Variants in NEK7 observed in about 807,000 individuals in gnomAD.
NEK7 encodes the protein NIMA related kinase 7.
NEK7 carries 18 observed loss-of-function variants against 44.6 expected under a neutral mutation model. The observed-to-expected ratio is 0.40, with a 90% CI of 0.28 to 0.60. The LOEUF is 0.60. NEK7 is among the 20% of genes least tolerant of loss of function. NEK7 has a pLI of 0.38. For missense variants in NEK7, 256 were observed against 366.5 expected (o/e 0.70, Z 2.46); for synonymous variants, 130 against 121.1 (o/e 1.07, Z -0.48).
chr1:198,215,269 A>G (rs1221740263), intron 1 of NEK7, among the ~76,000 whole-genome samples: 1 of 152,158 alleles, frequency 6.6e-6, no homozygotes, highest in African/African-American at 2.4e-5. Context: ...TAACAAAATG[A>G]AGAGAACAAA....
chr1:198,271,789 C>T (rs1653852319), intron 5 of NEK7, among the ~76,000 whole-genome samples: 1 of 151,446 alleles, frequency 6.6e-6, no homozygotes, highest in Admixed American at 6.6e-5. Flanking sequence ...CATCACCTGT[C>T]TTATATTTCA....
chr1:198,231,308 T>A (rs1666388446), intron 1 of NEK7, among the ~76,000 whole-genome samples: 5 of 96,680 alleles, frequency 5.2e-5, no homozygotes, highest in Admixed American at 5.1e-4. Flanking sequence ...TGTGTATATA[T>A]ATATATATAT....
chr1:198,249,887 G>T (rs1156423845), intron 2 of NEK7, among the ~76,000 whole-genome samples: 2 of 146,958 alleles, frequency 1.4e-5, no homozygotes, highest in Non-Finnish European at 3.0e-5. Flanking sequence ...AGTTTAATTA[G>T]ATCCCATTTG....
intron 1 of NEK7, among the ~76,000 whole-genome samples, chr1:198,229,188 C>A (rs1666314710): frequency 6.6e-6 from 1 of 152,102 alleles, no homozygotes; most frequent in South Asian, 2.1e-4. Flanking sequence ...AATGAAATCT[C>A]CACAAAAGGC....
At chr1:198,311,432 C>CT (rs1472657437) in intron 9 of NEK7, among the ~76,000 whole-genome samples, 1 of 151,650 alleles carries the variant, frequency 6.6e-6, no homozygotes, top group Non-Finnish European at 1.5e-5. Context: ...CCTTTATTTC[C>CT]TTCTCCTGCC....
At chr1:198,223,015 A>G (rs1337424146) in intron 1 of NEK7, among the ~76,000 whole-genome samples, 1 of 152,116 alleles carries the variant, frequency 6.6e-6, no homozygotes, top group African/African-American at 2.4e-5. Flanking sequence ...AGGATTTCAC[A>G]GGTTTCAAGA....
chr1:198,284,346 A>G (rs1013918942), intron 7 of NEK7, among the ~76,000 whole-genome samples: 4 of 152,148 alleles, frequency 2.6e-5, no homozygotes, highest in Admixed American at 6.5e-5. Context: ...TAGAAATACT[A>G]TATTCGGCTT....
At chr1:198,208,656 T>C (rs975117643) in intron 1 of NEK7, 1 of 152,206 alleles carries the variant, frequency 6.6e-6, no homozygotes, top group African/African-American at 2.4e-5. Context: ...TCAGAATATG[T>C]TTGTATGATA....
chr1:198,277,755 G>T, intron 5 of NEK7: 1 of 478,720 alleles, frequency 2.1e-6, no homozygotes. Flanking sequence ...CACAGTTTCC[G>T]CTAACCTTAG....
At chr1:198,247,525 C>T (rs1483997339) in intron 2 of NEK7, among the ~76,000 whole-genome samples, 1 of 152,106 alleles carries the variant, frequency 6.6e-6, no homozygotes, top group Non-Finnish European at 1.5e-5. Context: ...GAAAATGGGA[C>T]CTTCTATCAT....
intron 1 of NEK7, among the ~76,000 whole-genome samples, chr1:198,194,969 C>T (rs1665190000): frequency 6.6e-6 from 1 of 152,100 alleles, no homozygotes; most frequent in Admixed American, 6.5e-5. Context: ...ACAACCTTGC[C>T]AGCACCTGTT....
chr1:198,306,220 A>G (rs1288215202), intron 9 of NEK7, among the ~76,000 whole-genome samples: 1 of 152,180 alleles, frequency 6.6e-6, no homozygotes, highest in Admixed American at 6.5e-5. Context: ...TTCTTTACTC[A>G]AGCATTGGAA....
At chr1:198,176,699 A>T (rs1187893381) in intron 1 of NEK7, among the ~76,000 whole-genome samples, 1 of 152,060 alleles carries the variant, frequency 6.6e-6, no homozygotes, top group Non-Finnish European at 1.5e-5. Flanking sequence ...TCTGGGATAA[A>T]CAGAGTGATG....
intron 1 of NEK7, among the ~76,000 whole-genome samples, chr1:198,227,416 T>C (rs2102859743): frequency 6.6e-6 from 1 of 152,322 alleles, no homozygotes; most frequent in East Asian, 1.9e-4. Flanking sequence ...ATGGCATTTC[T>C]AGTTCTAGAT....
At chr1:198,234,945 G>A (rs1474946948) in intron 2 of NEK7, among the ~76,000 whole-genome samples, 1 of 152,142 alleles carries the variant, frequency 6.6e-6, no homozygotes, top group Non-Finnish European at 1.5e-5. Flanking sequence ...TTTGAAAAAC[G>A]TTACTGCTCT....
intron 1 of NEK7, among the ~76,000 whole-genome samples, chr1:198,210,312 C>G (rs1665724842): frequency 6.6e-6 from 1 of 152,168 alleles, no homozygotes; most frequent in Non-Finnish European, 1.5e-5. Context: ...TCTTGAACTC[C>G]TGGCCCCCCA....
Position 198,232,610 on chromosome 1 carries a change from GC to G in NEK7, c.32del (p.Pro11HisfsTer21). On this transcript the variant is annotated frameshift_variant, in exon 2 of 10. Coordinates refer to ENST00000367385, the MANE Select transcript of NEK7 (RefSeq NM_133494.3). LOFTEE classifies it high-confidence loss of function. Reference protein sequence around the residue: MDEQSQGMQGPPVPQFQPQKA... With the variant: MDEQSQGMQGXPVPQFQPQKA... ...ATGAGCAATCACAAGGAATGCAAGG[GC>G]CACCTGTTCCTCAGTTCCAACCACA... The G allele has an allele frequency of 6.2e-7, 1 of 1,606,232 alleles. No individual in the cohort carries two copies. Among genetic ancestry groups the G allele is most frequent in the Non-Finnish European group, 8.5e-7 (1 of 1,173,154 alleles).
intron 3 of NEK7, among the ~76,000 whole-genome samples, chr1:198,258,159 G>A (rs541196063): frequency 1.4e-4 from 22 of 152,298 alleles, no homozygotes; most frequent in Non-Finnish European, 2.4e-4. Flanking sequence ...CAGCTGTAGA[G>A]CCGGGCACGG....
intron 1 of NEK7, among the ~76,000 whole-genome samples, chr1:198,166,107 A>G (rs1664258945): frequency 6.6e-6 from 1 of 152,230 alleles, no homozygotes; most frequent in Non-Finnish European, 1.5e-5. Flanking sequence ...GATTTAAGGA[A>G]ATGTGACTGG....
Sources: allele counts gnomAD v4.1 joint callset (sites outside exome capture counted in the v4.1 genomes callset), GRCh38; gene constraint gnomAD v4.1.1; transcripts MANE v1.5; gene names NCBI Gene and HGNC (gene_info 2026-07-23, HGNC 2026-07-21).